PARP12: variants seen among roughly 807,000 people sequenced by gnomAD.
PARP12 encodes the protein protein mono-ADP-ribosyltransferase PARP12.
In PARP12, 59 loss-of-function variants were observed where a neutral mutation model predicts 72.4. That is an observed-to-expected ratio of 0.81 (90% CI 0.66 to 1.01). The LOEUF is 1.01. PARP12 is among the 50% of genes least tolerant of loss of function. The pLI, the probability that PARP12 is intolerant of heterozygous loss-of-function variation, is 0.00. For synonymous variants in PARP12, 403 were observed against 371.4 expected (o/e 1.09, Z -0.98); for missense variants, 851 against 914.0 (o/e 0.93, Z 0.89).
At chr7:140,055,624 C>T (rs570050032) in intron 3 of PARP12, among the ~76,000 whole-genome samples, 1 of 152,366 alleles carries the variant, frequency 6.6e-6, no homozygotes, top group South Asian at 2.1e-4. Context: ...TCTCTCCCGA[C>T]GATGGTGACT....
intron 7 of PARP12, among the ~76,000 whole-genome samples, chr7:140,035,953 CG>C (rs1569526877): frequency 0.064 from 1,309 of 20,612 alleles, 142 homozygotes; most frequent in Non-Finnish European, 0.073. Flanking sequence ...AGGAGGAGGA[CG>C]AGGAGGAGGA....
intron 7 of PARP12, among the ~76,000 whole-genome samples, chr7:140,036,969 TTCAATTACTC>T (rs1195173812): frequency 6.6e-6 from 1 of 152,108 alleles, no homozygotes; most frequent in African/African-American, 2.4e-5. Flanking sequence ...CTCAGGGACT[TTCAATTACTC>T]TGTGTCCTAC....
intron 1 of PARP12, among the ~76,000 whole-genome samples, chr7:140,058,499 C>CA (rs768336170): frequency 0.018 from 2,048 of 110,822 alleles, 16 homozygotes; most frequent in African/African-American, 0.025. Context: ...GACTCAGTCT[C>CA]AAAAAAAAAA....
intron 1 of PARP12, among the ~76,000 whole-genome samples, chr7:140,058,370 G>A (rs1222217927): frequency 2.0e-5 from 3 of 152,094 alleles, no homozygotes; most frequent in Non-Finnish European, 4.4e-5. Context: ...AATTAGCGGG[G>A]CGTGGTGGTG....
At chr7:140,033,491 T>C (rs986352499) in intron 8 of PARP12, 2 of 985,340 alleles carry the variant, frequency 2.0e-6, no homozygotes, top group Admixed American at 6.1e-5. Context: ...CCAAACTGTA[T>C]GGGCACTGTG....
intron 4 of PARP12, among the ~76,000 whole-genome samples, chr7:140,049,754 G>A (rs889528414): frequency 2.0e-5 from 3 of 152,212 alleles, no homozygotes; most frequent in Non-Finnish European, 4.4e-5. Flanking sequence ...ACAGCTGGAA[G>A]GTGCCCAGGA....
rs757838610 is a variant in PARP12, at chr7:140,026,179, A to G, written c.1780+18T>C. The G allele has an allele frequency of 4.3e-6, 7 of 1,614,168 alleles. No homozygotes were observed. Among genetic ancestry groups the G allele is most frequent in the Non-Finnish European group, 5.9e-6 (7 of 1,180,034 alleles). On this transcript the variant is annotated intron_variant, in intron 11 of 11. Transcript: ENST00000263549. ...AAAGCAACATGGGTTTTGCTGGTGG[A>G]GGCCAGTCATGCCTTACCCTTGCCG...
In PARP12 at chr7:140,043,774, C is replaced by T. The variant is rs558958943; in HGVS notation, c.987-1935G>A. On this transcript the variant is annotated intron_variant, in intron 5 of 11. Transcript: ENST00000263549. ...CTTGAACTCCTGGCCTCAAGCCATC[C>T]GCCCTCCTCAGCCTCCCAAAGTGCT... Among the ~76,000 whole-genome samples the T allele has an allele frequency of 2.6e-5, 4 of 152,294 alleles. No individual in the cohort carries two copies. In the South Asian group the frequency reaches 8.3e-4, roughly 32 times the overall value.
intron 8 of PARP12, among the ~76,000 whole-genome samples, chr7:140,032,417 T>C (rs752689637): frequency 9.9e-5 from 15 of 151,898 alleles, no homozygotes; most frequent in Non-Finnish European, 2.1e-4. Flanking sequence ...GCTCAAGCGA[T>C]CCTTCCATCT....
intron 4 of PARP12, among the ~76,000 whole-genome samples, chr7:140,051,387 GATTTT>G (rs942950446): frequency 9.2e-5 from 14 of 151,490 alleles, no homozygotes; most frequent in African/African-American, 3.4e-4. Context: ...GCCCTTTAAA[GATTTT>G]TTTTCTTTTT....
chr7:140,027,556 A>T, intron 9 of PARP12, 150 bp from the exon 10 acceptor site: 1 of 890,546 alleles, frequency 1.1e-6, no homozygotes, highest in Non-Finnish European at 1.7e-6. Context: ...CTCCAGGCAC[A>T]GGAGACAATC....
chr7:140,028,549 G>C, intron 9 of PARP12, 64 bp downstream of exon 9: 1 of 1,400,458 alleles, frequency 7.1e-7, no homozygotes, highest in Non-Finnish European at 9.7e-7. Flanking sequence ...GGCACAGTCT[G>C]TTCACACACA....
At chr7:140,054,035 G>A (rs916132751) in intron 4 of PARP12, among the ~76,000 whole-genome samples, 1 of 152,136 alleles carries the variant, frequency 6.6e-6, no homozygotes, top group Non-Finnish European at 1.5e-5. Flanking sequence ...CAAGAAGTTT[G>A]GTGGTTGTCA....
In PARP12 at chr7:140,062,838, C is replaced by T. The variant is rs1432675630; in HGVS notation, c.10G>A (p.Ala4Thr). MAQAGVVGEVTQVL... is the reference protein window; with the variant it reads MAQTGVVGEVTQVL... ...TGGGTGACCTCACCGACGACGCCGG[C>T]CTGGGCCATGGCCGCTGGGCCTGCT... is the stretch of plus-strand genomic sequence containing the variant. The change falls in exon 1 of 12, where the codon GCC (alanine) becomes ACC (threonine). Residue 4 changes from alanine to threonine, a missense_variant. Ala to Thr is a moderately conservative substitution (Grantham distance 58). This residue lies in a region of PARP12 where 492 missense variants were observed against 489.3 expected (regional missense o/e 1.01). Coordinates refer to ENST00000263549, the MANE Select transcript of PARP12 (RefSeq NM_022750.4). 7.2e-6 allele frequency: 10 copies of T among 1,382,784 alleles called. No homozygotes were observed. The Admixed American group carries it at 1.4e-4, about 20-fold the overall frequency. 85.7% of individuals were successfully genotyped at this position (1,382,784 alleles called of 1,614,324 possible).
At chr7:140,048,184 G>C (rs1162117886) in intron 4 of PARP12, among the ~76,000 whole-genome samples, 4 of 152,060 alleles carry the variant, frequency 2.6e-5, no homozygotes. Context: ...CATCTCTTCT[G>C]GCTAACAACA....
chr7:140,052,886 G>A lies in PARP12; in HGVS notation c.862+1776C>T, dbSNP rs1033718318. Among the ~76,000 whole-genome samples the A allele has an allele frequency of 1.1e-4, 17 of 152,188 alleles. No individual in the cohort carries two copies. In the East Asian group the frequency reaches 3.3e-3, roughly 29 times the overall value. ...AAACATCATTAATCATCAGGGAAAT[G>A]CAAATTAAAACCACGAGACATCATC... On this transcript the variant is annotated intron_variant, in intron 4 of 11. Transcript: ENST00000263549.
At position 140,056,962 on chromosome 7, in the gene PARP12, G is replaced by C; in HGVS notation, c.654C>G (p.Asp218Glu). Residue 218 changes from aspartate to glutamate, a missense_variant, in exon 3 of 12, where the codon GAC (aspartate) becomes GAG (glutamate). By Grantham distance (45) the Asp-to-Glu change is conservative. Coordinates refer to ENST00000263549, the MANE Select transcript of PARP12 (RefSeq NM_022750.4). ...AAATGGTAGGCAGCCTGCTCACCAG[G>C]TCTGAGCTCATACCCAACTTCTCCA... Reference protein sequence around the residue: ...EKLEKLGMSSDLVSRLPTIYR... With the variant: ...EKLEKLGMSSELVSRLPTIYR... The C allele has an allele frequency of 2.5e-6, 4 of 1,614,144 alleles. No individual in the cohort carries two copies. The highest frequency in any genetic ancestry group is 3.4e-6 in the Non-Finnish European group (4 of 1,180,016).
At position 140,041,739 on chromosome 7, in the gene PARP12, A is replaced by C. The variant is rs770738875; in HGVS notation, c.1087T>G (p.Ser363Ala). 5 of 1,614,150 alleles carry C rather than the reference A, an allele frequency of 3.1e-6. No individual in the cohort carries two copies. The highest frequency in any genetic ancestry group is 1.1e-5 in the South Asian group (1 of 91,088). Residue 363 changes from serine (S) to alanine (A), a missense_variant, in exon 6 of 12, where the codon TCC becomes GCC. Ser to Ala is a moderately conservative substitution (Grantham distance 99). This residue lies in a region of PARP12 where 492 missense variants were observed against 489.3 expected (regional missense o/e 1.01). Coordinates refer to ENST00000263549, the MANE Select transcript of PARP12 (RefSeq NM_022750.4). ...AAGTGTGGAGGTTTGGTGACAGAGGAGGCCGTGGAGAGGCGGCGAGCCTGG... is the reference window on the plus strand; with the variant it reads ...AAGTGTGGAGGTTTGGTGACAGAGGCGGCCGTGGAGAGGCGGCGAGCCTGG... ...ATQARRLSTA[S>A]SVTKPPHFIL...
chr7:140,058,069 T>A (rs745605183), intron 1 of PARP12, 35 bp from the exon 2 acceptor site: 1 of 1,612,470 alleles, frequency 6.2e-7, no homozygotes. Flanking sequence ...ATATGTCGAA[T>A]TGAGTCTCCT....
Sources: gnomAD v4.1 joint callset for allele counts (sites outside exome capture counted in the v4.1 genomes callset) on GRCh38, gnomAD v4.1.1 for gene constraint, gnomAD v4.1.1 regional missense constraint, MANE v1.5 for transcripts, NCBI Gene and HGNC (gene_info 2026-07-23, HGNC 2026-07-21) for gene names.